The following FTO variants were observed in gnomAD, a reference collection of about 807,000 sequenced individuals.
The protein encoded by FTO is alpha-ketoglutarate-dependent dioxygenase FTO.
Under a neutral mutation model 63.9 loss-of-function variants are expected in FTO, and 47 were observed. The observed-to-expected ratio is 0.74, with a 90% CI of 0.58 to 0.94. FTO has a LOEUF of 0.94. Among genes scored for constraint, FTO ranks in the 40% least tolerant of loss-of-function variants. FTO has a pLI of 0.00. For missense variants in FTO, 562 were observed against 618.1 expected (o/e 0.91, Z 0.96); for synonymous variants, 207 against 224.4 (o/e 0.92, Z 0.69).
chr16:53,999,622 C>T (rs145237509), intron 8 of FTO: 57 of 152,258 alleles, frequency 3.7e-4, no homozygotes, highest in African/African-American at 1.4e-3. Context: ...TATTAAAGAC[C>T]CCATGGAAGC....
At position 53,709,049 on chromosome 16, in the gene FTO, G is replaced by A. The variant is rs74882733; in HGVS notation, c.45+4820G>A. 6.5e-3 allele frequency among the ~76,000 whole-genome samples: 991 copies of A among 152,240 alleles called. 6 individuals carry two copies. Among genetic ancestry groups the A allele is most frequent in the Middle Eastern group, 0.065 (19 of 294 alleles). The stretch of plus-strand genomic sequence containing the variant: ...TTCATGCTTTTTGTGTCATATCTAT[G>A]CAGTCTTTATCCCAAAGTCACAAAG... On this transcript the variant is annotated intron_variant, in intron 1 of 8. Coordinates refer to ENST00000471389, the MANE Select transcript of FTO (RefSeq NM_001080432.3).
intron 3 of FTO, among the ~76,000 whole-genome samples, chr16:53,834,519 T>C (rs984871891): frequency 6.6e-6 from 1 of 152,178 alleles, no homozygotes; most frequent in African/African-American, 2.4e-5. Context: ...ATCTGTAAAA[T>C]AGTGATCAGA....
At position 53,780,915 on chromosome 16, in the gene FTO, A is replaced by C. The variant is rs149264883; in HGVS notation, c.46-29225A>C. Among the ~76,000 whole-genome samples the C allele has an allele frequency of 8.2e-3, 1,242 of 152,324 alleles. 10 individuals carry two copies. The highest frequency in any genetic ancestry group is 0.051 in the Middle Eastern group (15 of 294). On this transcript the variant is annotated intron_variant, in intron 1 of 8. Coordinates refer to ENST00000471389, the MANE Select transcript of FTO (RefSeq NM_001080432.3). ...TTTTATGGTTTCTGACACATTGTAC[A>C]TAATCAAAAAATGTTAAATATTGCT...
chr16:53,725,402 G>A (rs1022077931), intron 1 of FTO, among the ~76,000 whole-genome samples: 3 of 152,114 alleles, frequency 2.0e-5, no homozygotes, highest in South Asian at 2.1e-4. Context: ...CATTGTGAAC[G>A]GCATTATTTG....
intron 1 of FTO, among the ~76,000 whole-genome samples, chr16:53,790,068 G>A (rs1384580217): frequency 6.7e-6 from 1 of 148,942 alleles, no homozygotes; most frequent in African/African-American, 2.5e-5. Flanking sequence ...TATACATTTT[G>A]TAATATATAC....
At chr16:53,782,018 C>T (rs1170015803) in intron 1 of FTO, among the ~76,000 whole-genome samples, 1 of 151,970 alleles carries the variant, frequency 6.6e-6, no homozygotes, top group African/African-American at 2.4e-5. Flanking sequence ...AGTAGTATCC[C>T]CAGTTTGACC....
intron 8 of FTO, among the ~76,000 whole-genome samples, chr16:54,102,960 C>T (rs936098397): frequency 1.1e-4 from 16 of 152,004 alleles, no homozygotes; most frequent in African/African-American, 3.9e-4. Flanking sequence ...TGAGACCAAC[C>T]TGTGCAACAA....
At chr16:53,889,083 G>A in intron 7 of FTO, 132 bp downstream of exon 7, 1 of 1,071,664 alleles carries the variant, frequency 9.3e-7, no homozygotes. Flanking sequence ...TTGGTAAGGT[G>A]ATGGGTATAG....
At chr16:53,796,885 G>A (rs1486991312) in intron 1 of FTO, among the ~76,000 whole-genome samples, 1 of 152,124 alleles carries the variant, frequency 6.6e-6, no homozygotes, top group Admixed American at 6.5e-5. Context: ...ATCAAGATTA[G>A]GAGACATGTT....
intron 8 of FTO, among the ~76,000 whole-genome samples, chr16:54,060,977 A>G (rs1276734174): frequency 6.6e-6 from 1 of 152,298 alleles, no homozygotes; most frequent in East Asian, 1.9e-4. Context: ...TTGTTGAAGC[A>G]TTGAGATTTA....
chr16:53,846,801 CA>C (rs55982417), intron 4 of FTO, among the ~76,000 whole-genome samples: 533 of 106,846 alleles, frequency 5.0e-3, no homozygotes, highest in African/African-American at 0.013. Context: ...GACTCAGTCT[CA>C]AAAAAAAAAA....
chr16:53,725,065 G>C (rs1438609703), intron 1 of FTO, among the ~76,000 whole-genome samples: 1 of 152,120 alleles, frequency 6.6e-6, no homozygotes, highest in Admixed American at 6.5e-5. Flanking sequence ...CTTTTGTTCT[G>C]TATTATCCTT....
At chr16:53,704,333 T>G in intron 1 of FTO, 104 bp downstream of exon 1, 2 of 1,138,156 alleles carry the variant, frequency 1.8e-6, no homozygotes, top group Non-Finnish European at 2.6e-6. Flanking sequence ...GGTGTTAAAC[T>G]AAGGGATGAC....
intron 8 of FTO, among the ~76,000 whole-genome samples, chr16:53,999,509 A>G (rs1043383841): frequency 4.6e-5 from 7 of 152,242 alleles, no homozygotes; most frequent in African/African-American, 1.4e-4. Flanking sequence ...AAATCAAGAA[A>G]GGAAAGAGTA....
rs115877707 is a variant in FTO at position 54,052,327 on chromosome 16, A to G, written c.1365-59435A>G. On this transcript the variant is annotated intron_variant, in intron 8 of 8. Transcript: ENST00000471389. ...AATAATATCAAACAACTCGAGGGGG[A>G]AAAAGTTAAATATTTCCATATGAAG... Among the ~76,000 whole-genome samples, 951 of 152,122 alleles carry G rather than the reference A, an allele frequency of 6.3e-3. 12 individuals are homozygous for G. Among genetic ancestry groups the G allele is most frequent in the African/African-American group, 0.021 (878 of 41,478 alleles).
intron 1 of FTO, among the ~76,000 whole-genome samples, chr16:53,805,355 C>T (rs184408232): frequency 6.6e-6 from 1 of 151,952 alleles, no homozygotes; most frequent in African/African-American, 2.4e-5. Flanking sequence ...AGCTCAGATA[C>T]AGCTTAACTT....
chr16:53,897,939 A>G (rs1176359653), intron 7 of FTO, among the ~76,000 whole-genome samples: 1 of 152,092 alleles, frequency 6.6e-6, no homozygotes, highest in Non-Finnish European at 1.5e-5. Context: ...CTACTTTCAA[A>G]ATATACTCAT....
At chr16:53,784,140 A>G (rs2151666049) in intron 1 of FTO, among the ~76,000 whole-genome samples, 1 of 152,294 alleles carries the variant, frequency 6.6e-6, no homozygotes, top group South Asian at 2.1e-4. Context: ...CCTGGACTTG[A>G]TATTCTATAT....
chr16:54,070,643 C>A (rs555738127), intron 8 of FTO: 1 of 152,182 alleles, frequency 6.6e-6, no homozygotes, highest in Non-Finnish European at 1.5e-5. Flanking sequence ...GCATGGAATT[C>A]TTCCCTGCAG....
Sources: allele counts gnomAD v4.1 joint callset (sites outside exome capture counted in the v4.1 genomes callset), GRCh38; gene constraint gnomAD v4.1.1; transcripts MANE v1.5; gene names NCBI Gene and HGNC (gene_info 2026-07-23, HGNC 2026-07-21).